STN1: variants seen among roughly 807,000 people sequenced by gnomAD.
STN1 encodes STN1 subunit of CST complex.
In STN1, 29 loss-of-function variants were observed where a neutral mutation model predicts 45.5. The ratio of observed to expected loss-of-function variants is 0.64; its 90% CI spans 0.47 to 0.87. STN1 has a LOEUF of 0.87. STN1 is among the 40% of genes least tolerant of loss of function. The pLI is 0.00. For synonymous variants in STN1, 148 were observed against 159.0 expected, an observed-to-expected ratio of 0.93 and a Z score of 0.52; for missense variants, 376 against 441.4, an observed-to-expected ratio of 0.85 and a Z score of 1.33.
rs1843047703 is a variant in STN1, at chr10:103,878,810, C to T, written c.*3874G>A. On this transcript the variant is annotated 3_prime_UTR_variant, in exon 10 of 10. Coordinates refer to ENST00000224950, the MANE Select transcript of STN1 (RefSeq NM_024928.5). The stretch of plus-strand genomic sequence containing the variant: ...GTTTGTGTTCATCCAGGAGCCAATC[C>T]TGAGACAGAGACCGGAAAGCAAGAA... The T allele has an allele frequency of 6.6e-6, 1 of 152,312 alleles. No homozygotes were observed. Among genetic ancestry groups the T allele is most frequent in the Admixed American group, 6.5e-5 (1 of 15,278 alleles). The allele number at this position is 152,312 out of a possible 1,614,324, so 9.4% of individuals were successfully genotyped here.
At chr10:103,891,065 C>G (rs891123766) in intron 8 of STN1, among the ~76,000 whole-genome samples, 5 of 152,148 alleles carry the variant, frequency 3.3e-5, no homozygotes, top group Non-Finnish European at 7.4e-5. Flanking sequence ...TCAGGCAGGC[C>G]CATCACACTG....
intron 6 of STN1, 47 bp downstream of exon 6, chr10:103,898,830 G>A: frequency 6.2e-7 from 1 of 1,607,870 alleles, no homozygotes; most frequent in Non-Finnish European, 8.5e-7. Context: ...AGCTGCTTCA[G>A]TTTTCTGCCG....
At chr10:103,889,223 A>G in intron 8 of STN1, 79 bp from the exon 9 acceptor site, 3 of 880,214 alleles carry the variant, frequency 3.4e-6, no homozygotes, top group Admixed American at 3.5e-5. Context: ...CCAAATTAGT[A>G]TTCAGGATAG....
chr10:103,909,468 ATGTATATATGTATATATATGTG>A lies in STN1; in HGVS notation c.229+1037_229+1058del, dbSNP rs1564635092. Among the ~76,000 whole-genome samples the A allele has an allele frequency of 1.9e-3, 138 of 71,640 alleles. 21 individuals are homozygous for A. The highest frequency in any genetic ancestry group is 2.2e-3 in the Non-Finnish European group (83 of 36,902). 47.0% of individuals were successfully genotyped at this position (71,640 alleles called of 152,430 possible). ...TGTATATATGTATATATGTATATAT[ATGTATATATGTATATATATGTG>A]TGTGTGTATATGTATATATGTATAT... On this transcript the variant is annotated intron_variant, in intron 3 of 9. Transcript: ENST00000224950.
intron 4 of STN1, among the ~76,000 whole-genome samples, chr10:103,902,551 T>G (rs1480650874): frequency 6.6e-6 from 1 of 152,202 alleles, no homozygotes; most frequent in Non-Finnish European, 1.5e-5. Context: ...CAGTGTCTAT[T>G]CCATCATGAA....
chr10:103,888,952 A>C (rs1262894762), intron 9 of STN1, 120 bp downstream of exon 9: 1 of 695,288 alleles, frequency 1.4e-6, no homozygotes, highest in Non-Finnish European at 2.6e-6. Flanking sequence ...TTTGACTATC[A>C]CCTTTCCAAG....
Position 103,881,504 on chromosome 10 carries a change from C to T in STN1, c.*1180G>A, listed in dbSNP as rs901598665. 6.6e-6 allele frequency among the ~76,000 whole-genome samples: 1 copy of T among 152,176 alleles called. No individual in the cohort carries two copies. The highest frequency in any genetic ancestry group is 1.5e-5 in the Non-Finnish European group (1 of 68,020). On this transcript the variant is annotated 3_prime_UTR_variant, in exon 10 of 10. Transcript: ENST00000224950. ...TTTGCATCATTACAAAAGTCTATGA[C>T]AGGAGGCAATCTACTGGTTCTAGCT...
chr10:103,883,619 A>G (rs1843085235), intron 9 of STN1, among the ~76,000 whole-genome samples: 2 of 152,134 alleles, frequency 1.3e-5, no homozygotes, highest in South Asian at 2.1e-4. Flanking sequence ...ACTGCTTGCT[A>G]TTGGCACAAG....
intron 4 of STN1, among the ~76,000 whole-genome samples, chr10:103,903,815 C>T (rs1055357871): frequency 6.6e-6 from 1 of 152,174 alleles, no homozygotes; most frequent in South Asian, 2.1e-4. Flanking sequence ...ATCCAGATAC[C>T]TGATTGTCTC....
chr10:103,899,921 T>C, intron 5 of STN1, 141 bp downstream of exon 5: 1 of 623,924 alleles, frequency 1.6e-6, no homozygotes, highest in East Asian at 2.8e-5. Flanking sequence ...AAAGAAAGCA[T>C]GTTAAACAAT....
Position 103,880,140 on chromosome 10 carries a change from A to C in STN1, c.*2544T>G, listed in dbSNP as rs141993070. The stretch of plus-strand genomic sequence containing the variant: ...AGAATGTGCTGACAGTGGAAGAGTG[A>C]GCAAAGCTGGGAGTTTTATTGAGTG... On this transcript the variant is annotated 3_prime_UTR_variant, in exon 10 of 10. Transcript: ENST00000224950. Among the ~76,000 whole-genome samples, 176 of 152,324 alleles carry C rather than the reference A, an allele frequency of 1.2e-3. No individual in the cohort carries two copies. Among genetic ancestry groups the C allele is most frequent in the African/African-American group, 4.1e-3 (169 of 41,582 alleles).
chr10:103,914,362 A>ATTTT (rs1564636144), intron 2 of STN1, among the ~76,000 whole-genome samples: 9 of 12,442 alleles, frequency 7.2e-4, no homozygotes, highest in African/African-American at 2.0e-3. Context: ...ATATATATAT[A>ATTTT]TATATATATA....
intron 9 of STN1, among the ~76,000 whole-genome samples, chr10:103,885,157 T>C (rs1564910916): frequency 6.6e-6 from 1 of 152,196 alleles, no homozygotes; most frequent in African/African-American, 2.4e-5. Flanking sequence ...TATGATTTGG[T>C]TCATCATATC....
intron 9 of STN1, among the ~76,000 whole-genome samples, chr10:103,887,333 G>A (rs536053688): frequency 3.3e-5 from 5 of 152,196 alleles, no homozygotes; most frequent in Non-Finnish European, 7.3e-5. Context: ...TGATATGTTT[G>A]TAAGTGCATA....
Position 103,889,138 on chromosome 10 carries a change from TG to T in STN1, c.882del (p.Arg295GlufsTer39). On this transcript the variant is annotated frameshift_variant, in exon 9 of 10. Transcript: ENST00000224950. LOFTEE classifies it high-confidence loss of function. ...DDGFDNLYYVTREDKDLHRKI... is the reference protein window; with the variant it reads ...DDGFDNLYYVXREDKDLHRKI... ...TTTCTGTGCAGGTCTTTGTCTTCTC[TG>T]GTTACCTAAATAGGAAAAATAGTTG... is the stretch of plus-strand genomic sequence containing the variant. 1 of 1,611,750 alleles carries T rather than the reference TG, an allele frequency of 6.2e-7. No individual in the cohort carries two copies. The highest frequency in any genetic ancestry group is 8.5e-7 in the Non-Finnish European group (1 of 1,177,802).
At chr10:103,914,400 G>A (rs1254656094) in intron 2 of STN1, among the ~76,000 whole-genome samples, 1 of 102,834 alleles carries the variant, frequency 9.7e-6, no homozygotes, top group Non-Finnish European at 1.7e-5. Flanking sequence ...TTTGAGACAG[G>A]GTCTTGCTCT....
chr10:103,892,253 C>CTTT lies in STN1; in HGVS notation c.754-2_754-1insAAA. The stretch of plus-strand genomic sequence containing the variant: ...AAGTGGTGTCCTTCTTAAAATTCAC[C>CTTT]TGTAAAGAGAGGAAAAAGAAAAAAG... On this transcript the variant is annotated splice_acceptor_variant, in intron 7 of 9. Transcript: ENST00000224950. LOFTEE classifies it high-confidence loss of function. The CTTT allele has an allele frequency of 6.3e-7, 1 of 1,588,986 alleles. No homozygotes were observed. The highest frequency in any genetic ancestry group is 8.5e-7 in the Non-Finnish European group (1 of 1,173,590).
At chr10:103,897,074 A>T (rs1219906547) in intron 7 of STN1, among the ~76,000 whole-genome samples, 1 of 152,228 alleles carries the variant, frequency 6.6e-6, no homozygotes, top group African/African-American at 2.4e-5. Context: ...CTTTTTCAGA[A>T]TAAGATTAAC....
intron 9 of STN1, among the ~76,000 whole-genome samples, chr10:103,884,026 G>A (rs573829952): frequency 7.0e-6 from 1 of 143,248 alleles, no homozygotes; most frequent in South Asian, 2.2e-4. Flanking sequence ...GGAAGCAGAG[G>A]TTGCAGTGAG....
Sources: gnomAD v4.1 joint callset for allele counts (sites outside exome capture counted in the v4.1 genomes callset) on GRCh38, gnomAD v4.1.1 for gene constraint, MANE v1.5 for transcripts, NCBI Gene and HGNC (gene_info 2026-07-23, HGNC 2026-07-21) for gene names.